Variants in SKOR2 observed in about 807,000 individuals in gnomAD.
SKOR2 encodes the protein LBX1 corepressor 1-like protein.
A neutral mutation model predicts 69.1 loss-of-function variants in SKOR2; 47 were observed. The ratio of observed to expected loss-of-function variants is 0.68; its 90% CI spans 0.54 to 0.87. The LOEUF is 0.87. Among genes scored for constraint, SKOR2 ranks in the 40% least tolerant of loss-of-function variants. The pLI is 0.00. For missense variants in SKOR2, 1,404 were observed against 1,472.2 expected, an observed-to-expected ratio of 0.95 and a Z score of 0.76; for synonymous variants, 717 against 672.6, an observed-to-expected ratio of 1.07 and a Z score of -1.02.
At chr18:47,235,624 A>G (rs2064218964) in intron 4 of SKOR2, among the ~76,000 whole-genome samples, 1 of 152,100 alleles carries the variant, frequency 6.6e-6, no homozygotes, top group Admixed American at 6.5e-5. Flanking sequence ...TCCACATTCT[A>G]GGTGAATATT....
chr18:47,221,005 T>C (rs986409294), intron 6 of SKOR2, among the ~76,000 whole-genome samples: 19 of 152,186 alleles, frequency 1.2e-4, no homozygotes, highest in African/African-American at 4.3e-4. Context: ...TGAATCATTT[T>C]CCGACTGACC....
intron 4 of SKOR2, among the ~76,000 whole-genome samples, chr18:47,241,739 T>C (rs758515244): frequency 6.6e-6 from 1 of 152,228 alleles, no homozygotes; most frequent in South Asian, 2.1e-4. Context: ...TTTGATAATA[T>C]ATTTTTATCC....
chr18:47,245,662 G>T, intron 2 of SKOR2, 101 bp from the exon 3 acceptor site: 1 of 1,019,652 alleles, frequency 9.8e-7, no homozygotes. Context: ...GTGACTCCAT[G>T]GAGCCTCAGG....
At position 47,246,449 on chromosome 18, in the gene SKOR2, A is replaced by G. The variant is rs151163865; in HGVS notation, c.2613+122T>C. On this transcript the variant is annotated intron_variant, in intron 2 of 8. Coordinates refer to ENST00000425639, the MANE Select transcript of SKOR2 (RefSeq NM_001278063.4). ...AAAGAAGCCCTCCTAAACACACTGA[A>G]TATTTCATTTCTGTGGGGAAATCTG... 3.0e-3 allele frequency: 3,798 copies of G among 1,285,088 alleles called. 70 individuals carry two copies. The African/African-American group carries it at 0.044, about 15-fold the overall frequency. The allele number at this position is 1,285,088 out of a possible 1,614,324, so 79.6% of individuals were successfully genotyped here.
intron 6 of SKOR2, among the ~76,000 whole-genome samples, chr18:47,229,006 T>C (rs535432259): frequency 6.6e-6 from 1 of 152,212 alleles, no homozygotes; most frequent in Admixed American, 6.5e-5. Flanking sequence ...GTGGTCAGAG[T>C]TCTCTTCCAT....
intron 4 of SKOR2, among the ~76,000 whole-genome samples, chr18:47,244,335 T>C (rs1468023372): frequency 6.6e-6 from 1 of 152,202 alleles, no homozygotes; most frequent in Non-Finnish European, 1.5e-5. Flanking sequence ...GAAAATTAGA[T>C]TCCTTTTTCC....
At chr18:47,218,595 A>AAAG (rs1196429235) in intron 7 of SKOR2, among the ~76,000 whole-genome samples, 3 of 151,616 alleles carry the variant, frequency 2.0e-5, no homozygotes, top group Non-Finnish European at 4.4e-5. Flanking sequence ...GTCTCAAAAA[A>AAAG]AAAAAAAAAA....
At chr18:47,225,702 C>A (rs1300023886) in intron 6 of SKOR2, among the ~76,000 whole-genome samples, 2 of 152,062 alleles carry the variant, frequency 1.3e-5, no homozygotes, top group Non-Finnish European at 2.9e-5. Context: ...TTGGATGTGG[C>A]AAAACTTTAG....
chr18:47,247,427 C>T lies in SKOR2; in HGVS notation c.1757G>A (p.Gly586Glu). The T allele has an allele frequency of 1.6e-6, 2 of 1,285,722 alleles. No homozygotes were observed. The highest frequency in any genetic ancestry group is 2.0e-6 in the Non-Finnish European group (2 of 1,018,934). 79.6% of individuals were successfully genotyped at this position (1,285,722 alleles called of 1,614,324 possible). ...PADSVAAAGA[G>E]AAAAGSGPAG... The stretch of plus-strand genomic sequence containing the variant: ...GGGGCCAGACCCGGCGGCCGCGGCC[C>T]CTGCCCCGGCAGCTGCCACAGAGTC... The change falls in exon 2 of 9, where the codon GGG becomes GAG. Residue 586 changes from glycine to glutamate, a missense_variant. Physicochemically the swap from Gly to Glu is moderately conservative, Grantham distance 98. Transcript: ENST00000425639. This position sits in a 1 kb window ranked among gnomAD's most constrained non-coding sequence, Gnocchi z 6.6.
chr18:47,248,791 C>G lies in SKOR2; in HGVS notation c.393G>C (p.Leu131=), dbSNP rs1396822460. 3 of 1,552,942 alleles carry G rather than the reference C, an allele frequency of 1.9e-6. No individual in the cohort carries two copies. Among genetic ancestry groups the G allele is most frequent in the Non-Finnish European group, 1.7e-6 (2 of 1,156,176 alleles). Reference sequence around the variant, plus strand: ...GCAGCTTGGGCGGCCTGTTTTCGCCCAGGAACGACTTGCACAGACGCTCGG... The same window carrying G: ...GCAGCTTGGGCGGCCTGTTTTCGCCGAGGAACGACTTGCACAGACGCTCGG... ...REAERLCKSF[L]GENRPPKLPD... Residue 131 remains leucine, a synonymous_variant, in exon 2 of 9, where the codon CTG becomes CTC. Transcript: ENST00000425639. The surrounding 1 kb of genome is among the most constrained non-coding windows in gnomAD (Gnocchi z 6.4).
intron 1 of SKOR2, among the ~76,000 whole-genome samples, chr18:47,249,838 A>G (rs2064305028): frequency 6.6e-6 from 1 of 152,198 alleles, no homozygotes; most frequent in African/African-American, 2.4e-5. Context: ...TTGTTACTGT[A>G]ATTAGAATTA....
At chr18:47,232,467 A>G (rs1280120757) in intron 4 of SKOR2, among the ~76,000 whole-genome samples, 2 of 152,224 alleles carry the variant, frequency 1.3e-5, no homozygotes, top group East Asian at 1.9e-4. Flanking sequence ...CAATGCTCAC[A>G]TAATTTAATC....
At position 47,248,704 on chromosome 18, in the gene SKOR2, A is replaced by T. The variant is rs754783566; in HGVS notation, c.480T>A (p.Ile160=). ...CGCGCGAGCTGTTGTAGCGCGCGGG[A>T]ATGAAGCTGCCGCGGCAGCCCCAGG... is the stretch of plus-strand genomic sequence containing the variant. The part of the protein sequence containing the change: ...ECAWGCRGSF[I]PARYNSSRAK... Residue 160 remains isoleucine, a synonymous_variant, in exon 2 of 9, where the codon ATT becomes ATA. Transcript: ENST00000425639. This position sits in a 1 kb window ranked among gnomAD's most constrained non-coding sequence, Gnocchi z 6.4. 3.8e-6 allele frequency: 6 copies of T among 1,562,328 alleles called. No individual in the cohort carries two copies. In the Admixed American group the frequency reaches 1.1e-4, roughly 29 times the overall value.
Position 47,248,122 on chromosome 18 carries a change from A to G in SKOR2, c.1062T>C (p.Gly354=). ...CCACGCCCACGCCGGCCACACAGCCACCCCCAGCGCCGCCCCCACCAGTCC... is the reference window on the plus strand; with the variant it reads ...CCACGCCCACGCCGGCCACACAGCCGCCCCCAGCGCCGCCCCCACCAGTCC... ...GAGTGGGGAG[G]GCVAGVGVGA... The change falls in exon 2 of 9, where the codon GGT becomes GGC. Residue 354 remains glycine (G), a synonymous_variant. Transcript: ENST00000425639. The surrounding 1 kb of genome is among the most constrained non-coding windows in gnomAD (Gnocchi z 6.4). 7.6e-7 allele frequency: 1 copy of G among 1,319,532 alleles called. No individual in the cohort carries two copies. Among genetic ancestry groups the G allele is most frequent in the South Asian group, 2.1e-5 (1 of 47,132 alleles). The allele number at this position is 1,319,532 out of a possible 1,614,324, so 81.7% of individuals were successfully genotyped here.
intron 6 of SKOR2, among the ~76,000 whole-genome samples, chr18:47,222,923 A>G (rs1223530267): frequency 6.6e-6 from 1 of 152,256 alleles, no homozygotes; most frequent in Non-Finnish European, 1.5e-5. Flanking sequence ...AAAACAAAAA[A>G]GAAGCCATTA....
At chr18:47,220,147 C>T in intron 6 of SKOR2, 137 bp from the exon 7 acceptor site, 1 of 636,442 alleles carries the variant, frequency 1.6e-6, no homozygotes, top group Non-Finnish European at 2.7e-6. Context: ...AAATTATATG[C>T]TTGTTTGAAG....
chr18:47,240,144 A>AT (rs1684035838), intron 4 of SKOR2, among the ~76,000 whole-genome samples: 1 of 152,166 alleles, frequency 6.6e-6, no homozygotes, highest in South Asian at 2.1e-4. Flanking sequence ...AATCAAATTG[A>AT]TTTTAAAACT....
chr18:47,250,524 A>G (rs1437989555), intron 1 of SKOR2, among the ~76,000 whole-genome samples: 7 of 152,266 alleles, frequency 4.6e-5, no homozygotes, highest in Admixed American at 4.6e-4. Flanking sequence ...ACCAGAGGCC[A>G]TAGCGTGGCC....
chr18:47,247,178 G>T lies in SKOR2; in HGVS notation c.2006C>A (p.Pro669His), dbSNP rs1600049898. ...CAGAAGCGGCGACGGCGGCTGCGGG[G>T]GGTGGTGGTGGTGGTGGTGGTGGTG... is the stretch of plus-strand genomic sequence containing the variant. ...HPHHHHHHHH[P>H]PQPPSPLLLL... The change falls in exon 2 of 9, where the codon CCC (proline) becomes CAC (histidine). Residue 669 changes from proline (P) to histidine (H), a missense_variant. Around this residue, in one of 3 missense-constraint regions of SKOR2, gnomAD observed 1,266 missense variants for 1,309.9 expected, o/e 0.97. Transcript: ENST00000425639. The surrounding 1 kb of genome is among the most constrained non-coding windows in gnomAD (Gnocchi z 6.6). 13 of 1,279,032 alleles carry T rather than the reference G, an allele frequency of 1.0e-5. No individual in the cohort carries two copies. The highest frequency in any genetic ancestry group is 6.8e-5 in the South Asian group (3 of 44,116). The allele number at this position is 1,279,032 out of a possible 1,614,324, so 79.2% of individuals were successfully genotyped here.
Sources: gnomAD v4.1 joint callset for allele counts (sites outside exome capture counted in the v4.1 genomes callset) on GRCh38, gnomAD v4.1.1 for gene constraint, gnomAD v4.1.1 regional missense constraint, Gnocchi (gnomAD v3.1) non-coding constraint, MANE v1.5 for transcripts, NCBI Gene and HGNC (gene_info 2026-07-23, HGNC 2026-07-21) for gene names.